Variants in SPECC1 observed in about 807,000 individuals in gnomAD.
The protein encoded by SPECC1 is cytospin-B.
In SPECC1, 62 loss-of-function variants were observed where a neutral mutation model predicts 104.1. That is an observed-to-expected ratio of 0.60 (90% CI 0.49 to 0.74). The LOEUF (loss-of-function observed/expected upper bound fraction) is 0.74. SPECC1 is among the 30% of genes least tolerant of loss of function. The pLI is 0.00. For missense variants in SPECC1, 1,306 were observed against 1,310.5 expected, an observed-to-expected ratio of 1.00 and a Z score of 0.05; for synonymous variants, 513 against 501.6, an observed-to-expected ratio of 1.02 and a Z score of -0.30.
At chr17:20,149,041 CAT>C (rs111265465) in intron 3 of SPECC1, among the ~76,000 whole-genome samples, 37,938 of 151,960 alleles carry the variant, frequency 0.25, 5,963 homozygotes, top group African/African-American at 0.45. Flanking sequence ...ACATTCTTAA[CAT>C]ATGTACTGTT....
chr17:20,189,380 C>T (rs1487476533), intron 3 of SPECC1, among the ~76,000 whole-genome samples: 3 of 152,176 alleles, frequency 2.0e-5, no homozygotes, highest in Non-Finnish European at 4.4e-5. Flanking sequence ...AGCGCTCCTC[C>T]AGCCACTTCA....
chr17:20,099,511 CAAAAAAAAAAAAAAAA>C (rs56285234), intron 2 of SPECC1, among the ~76,000 whole-genome samples: 1 of 91,780 alleles, frequency 1.1e-5, no homozygotes, highest in South Asian at 4.0e-4. Flanking sequence ...TGTCTTTACC[CAAAAAAAAAAAAAAAA>C]AAAAAAAAAA....
At chr17:20,260,906 G>A (rs904416612) in intron 12 of SPECC1, among the ~76,000 whole-genome samples, 1 of 152,166 alleles carries the variant, frequency 6.6e-6, no homozygotes, top group African/African-American at 2.4e-5. Context: ...GTTCTGGTTG[G>A]TGGCAGCAAG....
chr17:20,196,787 A>G (rs943064082), intron 3 of SPECC1, among the ~76,000 whole-genome samples: 14 of 152,244 alleles, frequency 9.2e-5, no homozygotes, highest in African/African-American at 3.1e-4. Context: ...GGTAAATTGA[A>G]CAATTTTTAA....
At chr17:20,097,430 ATCT>A (rs1473024721) in intron 2 of SPECC1, among the ~76,000 whole-genome samples, 1 of 152,158 alleles carries the variant, frequency 6.6e-6, no homozygotes, top group East Asian at 1.9e-4. Context: ...AGTCAATATG[ATCT>A]TCTATATTAG....
intron 12 of SPECC1, among the ~76,000 whole-genome samples, chr17:20,275,240 T>C (rs2040537289): frequency 6.6e-6 from 1 of 152,218 alleles, no homozygotes; most frequent in African/African-American, 2.4e-5. Flanking sequence ...AAGGAAACTC[T>C]ACTTGATTGT....
chr17:20,058,106 T>C (rs1271496210), intron 1 of SPECC1, among the ~76,000 whole-genome samples: 2 of 152,302 alleles, frequency 1.3e-5, no homozygotes, highest in East Asian at 3.9e-4. Flanking sequence ...TACTGAAATA[T>C]ACTACTTGAG....
chr17:20,020,790 C>CT (rs2044345176), intron 1 of SPECC1, among the ~76,000 whole-genome samples: 1 of 152,190 alleles, frequency 6.6e-6, no homozygotes, highest in African/African-American at 2.4e-5. Flanking sequence ...ATCCCACTCT[C>CT]ATTCTCTTCT....
chr17:20,147,684 G>A (rs1445136078), intron 3 of SPECC1, among the ~76,000 whole-genome samples: 1 of 152,156 alleles, frequency 6.6e-6, no homozygotes, highest in Non-Finnish European at 1.5e-5. Flanking sequence ...TTAGTTTTGT[G>A]TATGTTGCGG....
At position 20,285,976 on chromosome 17, in the gene SPECC1, G is replaced by T. The variant is rs142729717; in HGVS notation, c.2941-10985G>T. Among the ~76,000 whole-genome samples the T allele has an allele frequency of 6.6e-5, 10 of 152,216 alleles. No homozygotes were observed. In the East Asian group the frequency reaches 1.9e-3, roughly 29 times the overall value. ...TTATAGGCATGCACTATCATGCCTGGCTAATTTTTACATTTTTTGTAGAGA... is the reference window on the plus strand; with the variant it reads ...TTATAGGCATGCACTATCATGCCTGTCTAATTTTTACATTTTTTGTAGAGA... On this transcript the variant is annotated intron_variant, in intron 12 of 14. Coordinates refer to ENST00000395527, the MANE Select transcript of SPECC1 (RefSeq NM_001243439.2).
chr17:20,052,742 G>A (rs2045822385), intron 1 of SPECC1, among the ~76,000 whole-genome samples: 1 of 152,180 alleles, frequency 6.6e-6, no homozygotes, highest in Non-Finnish European at 1.5e-5. Context: ...GAGAGGTTTG[G>A]GAACAGGGTA....
chr17:20,059,138 C>G (rs1024416047), intron 1 of SPECC1, among the ~76,000 whole-genome samples: 1 of 151,904 alleles, frequency 6.6e-6, no homozygotes. Flanking sequence ...CCACGCCTGG[C>G]CTATTGTGCC....
At chr17:20,163,530 T>C (rs987160451) in intron 3 of SPECC1, among the ~76,000 whole-genome samples, 1 of 152,106 alleles carries the variant, frequency 6.6e-6, no homozygotes, top group Non-Finnish European at 1.5e-5. Flanking sequence ...TAAGTCCTCT[T>C]ATATATTCCA....
intron 9 of SPECC1, among the ~76,000 whole-genome samples, chr17:20,250,458 T>C (rs1437524217): frequency 2.0e-5 from 3 of 152,222 alleles, no homozygotes; most frequent in East Asian, 1.9e-4. Context: ...ATTAAAGCAA[T>C]AGTAAGAGAA....
chr17:20,208,862 C>T (rs1308852581), intron 4 of SPECC1, among the ~76,000 whole-genome samples: 1 of 152,066 alleles, frequency 6.6e-6, no homozygotes, highest in Non-Finnish European at 1.5e-5. Context: ...AGTGTAGTGG[C>T]GATTATAGCT....
At chr17:20,074,261 A>G (rs984113670) in intron 1 of SPECC1, among the ~76,000 whole-genome samples, 1 of 152,192 alleles carries the variant, frequency 6.6e-6, no homozygotes, top group East Asian at 1.9e-4. Context: ...CGCAATGCTC[A>G]ACATCTGGGC....
chr17:20,248,910 T>A (rs2039522277), intron 9 of SPECC1, among the ~76,000 whole-genome samples: 1 of 152,242 alleles, frequency 6.6e-6, no homozygotes, highest in African/African-American at 2.4e-5. Context: ...AGCTATTAGA[T>A]GATTAAAATA....
At chr17:20,257,746 C>T (rs1285655571) in intron 11 of SPECC1, 139 bp downstream of exon 11, 23 of 1,156,468 alleles carry the variant, frequency 2.0e-5, no homozygotes, top group Non-Finnish European at 2.8e-5. Flanking sequence ...TGTGCCTGCC[C>T]TTGGTGAGTC....
At chr17:20,198,514 G>A (rs1013280464) in intron 3 of SPECC1, among the ~76,000 whole-genome samples, 2 of 152,206 alleles carry the variant, frequency 1.3e-5, no homozygotes, top group Non-Finnish European at 2.9e-5. Flanking sequence ...CCATAGTCCT[G>A]TACATACCTG....
Sources: gnomAD v4.1 joint callset for allele counts (sites outside exome capture counted in the v4.1 genomes callset) on GRCh38, gnomAD v4.1.1 for gene constraint, MANE v1.5 for transcripts, NCBI Gene and HGNC (gene_info 2026-07-23, HGNC 2026-07-21) for gene names.